Variants in BRINP1 observed in about 807,000 individuals in gnomAD.
BRINP1 encodes the protein BMP/retinoic acid-inducible neural-specific protein 1.
BRINP1 carries 17 observed loss-of-function variants against 72.9 expected under a neutral mutation model. The ratio of observed to expected loss-of-function variants is 0.23; its 90% CI spans 0.16 to 0.35. The LOEUF (loss-of-function observed/expected upper bound fraction) is 0.35. Among genes scored for constraint, BRINP1 ranks in the 10% least tolerant of loss-of-function variants. The pLI, the probability that BRINP1 is intolerant of heterozygous loss-of-function variation, is 1.00. For missense variants in BRINP1, 850 were observed against 1,001.6 expected (o/e 0.85, Z 2.04); for synonymous variants, 418 against 378.5 (o/e 1.10, Z -1.21).
intron 2 of BRINP1, among the ~76,000 whole-genome samples, chr9:119,251,347 G>A (rs1222605996): frequency 6.6e-6 from 1 of 152,166 alleles, no homozygotes; most frequent in Admixed American, 6.5e-5. Flanking sequence ...ACAGGAGGAG[G>A]AACCTGAACT....
At chr9:119,235,421 CTCCTAT>C (rs1262581593) in intron 5 of BRINP1, among the ~76,000 whole-genome samples, 2 of 152,062 alleles carry the variant, frequency 1.3e-5, no homozygotes, top group East Asian at 3.9e-4. Context: ...TGCCTCTGTC[CTCCTAT>C]TCATCCTTCA....
chr9:119,304,258 T>C (rs1375288223), intron 2 of BRINP1, among the ~76,000 whole-genome samples: 3 of 152,160 alleles, frequency 2.0e-5, no homozygotes, highest in African/African-American at 7.2e-5. Context: ...GATGGAGAAA[T>C]TGAGGCTCAC....
chr9:119,210,667 G>A (rs1000944906), intron 6 of BRINP1, among the ~76,000 whole-genome samples: 1 of 152,098 alleles, frequency 6.6e-6, no homozygotes, highest in African/African-American at 2.4e-5. Context: ...GTAAATAAAA[G>A]GTGATAAAAA....
intron 1 of BRINP1, among the ~76,000 whole-genome samples, chr9:119,367,213 G>A (rs1217364884): frequency 2.2e-5 from 1 of 45,984 alleles, no homozygotes; most frequent in African/African-American, 6.3e-5. Flanking sequence ...GTGTGTGTGT[G>A]TGTGATTGAT....
At chr9:119,263,855 G>T (rs1018132758) in intron 2 of BRINP1, among the ~76,000 whole-genome samples, 2 of 152,014 alleles carry the variant, frequency 1.3e-5, no homozygotes, top group Non-Finnish European at 2.9e-5. Flanking sequence ...TGATCCGCCC[G>T]CCTCGGCCTC....
chr9:119,292,078 A>T (rs1392813876), intron 2 of BRINP1, among the ~76,000 whole-genome samples: 1 of 152,218 alleles, frequency 6.6e-6, no homozygotes, highest in Non-Finnish European at 1.5e-5. Context: ...ACAGAACCAC[A>T]GCATGTAAGA....
chr9:119,245,389 G>A (rs1026107439), intron 3 of BRINP1, among the ~76,000 whole-genome samples: 9 of 152,162 alleles, frequency 5.9e-5, no homozygotes, highest in African/African-American at 2.2e-4. Context: ...TTCCATGCAC[G>A]CATAGTCATA....
At chr9:119,220,279 TG>T (rs1830026742) in intron 5 of BRINP1, among the ~76,000 whole-genome samples, 1 of 152,160 alleles carries the variant, frequency 6.6e-6, no homozygotes, top group Non-Finnish European at 1.5e-5. Context: ...ACCCTCAAGT[TG>T]GATCTCTGGA....
chr9:119,266,519 TTTTAA>T (rs768098958), intron 2 of BRINP1, among the ~76,000 whole-genome samples: 13 of 152,348 alleles, frequency 8.5e-5, no homozygotes, highest in African/African-American at 2.2e-4. Context: ...ATGAAAACAT[TTTTAA>T]TTTATTTCTT....
chr9:119,251,642 C>T (rs1830389192), intron 2 of BRINP1, among the ~76,000 whole-genome samples: 1 of 151,174 alleles, frequency 6.6e-6, no homozygotes, highest in Non-Finnish European at 1.5e-5. Flanking sequence ...GAGGAAAAGT[C>T]AGGAACAGTG....
intron 7 of BRINP1, among the ~76,000 whole-genome samples, chr9:119,200,893 G>A (rs1185429421): frequency 6.6e-6 from 1 of 151,946 alleles, no homozygotes; most frequent in African/African-American, 2.4e-5. Flanking sequence ...CAGCCCATGT[G>A]AATCCTTTGA....
chr9:119,340,458 C>T (rs1831395270), intron 1 of BRINP1, among the ~76,000 whole-genome samples: 1 of 152,078 alleles, frequency 6.6e-6, no homozygotes. Flanking sequence ...GAGTCCCACC[C>T]CCAGGATGCA....
intron 2 of BRINP1, among the ~76,000 whole-genome samples, chr9:119,290,669 T>A (rs1009946756): frequency 1.3e-5 from 2 of 152,112 alleles, no homozygotes; most frequent in African/African-American, 4.8e-5. Context: ...AGGGAGCAAG[T>A]GTGATTACCC....
chr9:119,285,169 C>T (rs538246), intron 2 of BRINP1, among the ~76,000 whole-genome samples: 38,736 of 149,542 alleles, frequency 0.26, 5,783 homozygotes, highest in Non-Finnish European at 0.33. Flanking sequence ...ACTGGCCACT[C>T]CTTCGCATAC....
chr9:119,340,391 C>T (rs556048080), intron 1 of BRINP1, among the ~76,000 whole-genome samples: 50 of 151,720 alleles, frequency 3.3e-4, no homozygotes, highest in Admixed American at 5.2e-4. Flanking sequence ...GTCTCATTAG[C>T]ATCATATTCC....
chr9:119,226,604 A>C (rs1355860553), intron 5 of BRINP1, among the ~76,000 whole-genome samples: 1 of 151,990 alleles, frequency 6.6e-6, no homozygotes, highest in Non-Finnish European at 1.5e-5. Flanking sequence ...GTAGGTCAGA[A>C]GCAGCTCTTT....
At chr9:119,270,380 G>C (rs898616509) in intron 2 of BRINP1, among the ~76,000 whole-genome samples, 1 of 152,154 alleles carries the variant, frequency 6.6e-6, no homozygotes, top group African/African-American at 2.4e-5. Context: ...GGACAGGCAC[G>C]CTTAAAAGCA....
At chr9:119,251,821 C>T (rs889465243) in intron 2 of BRINP1, among the ~76,000 whole-genome samples, 4 of 152,072 alleles carry the variant, frequency 2.6e-5, no homozygotes, top group Non-Finnish European at 5.9e-5. Context: ...AGGCAGCTTG[C>T]GGCTTGAGTC....
intron 1 of BRINP1, among the ~76,000 whole-genome samples, chr9:119,317,428 G>A (rs1193807783): frequency 1.3e-5 from 2 of 152,178 alleles, no homozygotes; most frequent in East Asian, 3.9e-4. Context: ...GCAATTTCAT[G>A]ATAAAACTTG....
Sources: gnomAD v4.1 joint callset for allele counts (sites outside exome capture counted in the v4.1 genomes callset) on GRCh38, gnomAD v4.1.1 for gene constraint, MANE v1.5 for transcripts, NCBI Gene and HGNC (gene_info 2026-07-23, HGNC 2026-07-21) for gene names.